MYH16: variants seen among roughly 807,000 people sequenced by gnomAD.
MYH16 encodes putative uncharacterized protein MYH16.
At chr7:99,295,768 G>A (rs1562785994) in intron 33 of MYH16, among the ~76,000 whole-genome samples, 1 of 151,276 alleles carries the variant, frequency 6.6e-6, no homozygotes, top group Non-Finnish European at 1.5e-5. Flanking sequence ...AAGAGGCTGA[G>A]GCTACAGTTA....
intron 33 of MYH16, among the ~76,000 whole-genome samples, chr7:99,295,754 G>A (rs58421977): frequency 0.045 from 6,813 of 149,762 alleles, 482 homozygotes; most frequent in East Asian, 0.32. Flanking sequence ...GATTGCTTAA[G>A]TCCAAGAGGC....
intron 2 of MYH16, among the ~76,000 whole-genome samples, chr7:99,246,986 A>G (rs1375847109): frequency 6.6e-6 from 1 of 152,160 alleles, no homozygotes; most frequent in East Asian, 1.9e-4. Flanking sequence ...TCATAAATCG[A>G]CTTTCAATAC....
downstream of MYH16, among the ~76,000 whole-genome samples, chr7:99,308,188 G>A (rs1390669403): frequency 1.3e-5 from 2 of 151,260 alleles, no homozygotes; most frequent in East Asian, 2.0e-4. Context: ...CCAGCTGCTC[G>A]GGAGGCTGAG....
chr7:99,256,128 C>A (rs1483425997), intron 9 of MYH16, among the ~76,000 whole-genome samples: 1 of 151,892 alleles, frequency 6.6e-6, no homozygotes, highest in Non-Finnish European at 1.5e-5. Context: ...CACCTAGTAC[C>A]TGGCATGAAG....
At chr7:99,309,181 A>G (rs898143488), downstream of MYH16, among the ~76,000 whole-genome samples, 1 of 152,132 alleles carries the variant, frequency 6.6e-6, no homozygotes, top group African/African-American at 2.4e-5. Flanking sequence ...GCAGCAAAAA[A>G]TCAAAGACTG....
chr7:99,284,755 C>T (rs1413147852), intron 25 of MYH16, 90 bp from the exon 8 acceptor site: 3 of 441,512 alleles, frequency 6.8e-6, no homozygotes, highest in Non-Finnish European at 9.2e-6. Context: ...AGGTTCAAGG[C>T]CTCCTCTGGC....
At chr7:99,273,294 T>C (rs1193618659) in intron 19 of MYH16, 48 bp from the exon 2 acceptor site, 5 of 456,332 alleles carry the variant, frequency 1.1e-5, no homozygotes, top group Non-Finnish European at 2.2e-5. Flanking sequence ...GGAAGCCAGG[T>C]CCTAACACCT....
intron 31 of MYH16, among the ~76,000 whole-genome samples, 167 bp downstream of exon 12, chr7:99,291,617 A>ACCCCCCCCCCCCCCCCCCCCCC (rs34446113): frequency 3.0e-4 from 32 of 105,980 alleles, no homozygotes; most frequent in African/African-American, 6.1e-4. Flanking sequence ...ACACAGCAAG[A>ACCCCCCCCCCCCCCCCCCCCCC]CCCCCCCCCA....
intron 10 of MYH16, chr7:99,258,020 T>A (rs185974350): frequency 1.3e-5 from 2 of 152,388 alleles, no homozygotes; most frequent in African/African-American, 4.8e-5. Context: ...TCCTCCACCC[T>A]CCCTTTCACC....
At chr7:99,308,210 G>T (rs1054709005), downstream of MYH16, among the ~76,000 whole-genome samples, 2 of 141,978 alleles carry the variant, frequency 1.4e-5, no homozygotes, top group Non-Finnish European at 3.0e-5. Context: ...CACTAGAATT[G>T]CTTGAACCCA....
intron 28 of MYH16, among the ~76,000 whole-genome samples, chr7:99,287,124 A>G (rs1304308729): frequency 6.6e-6 from 1 of 152,220 alleles, no homozygotes; most frequent in East Asian, 1.9e-4. Context: ...CAGGTGAGGC[A>G]GGGTGAACAG....
At chr7:99,306,655 A>G (rs1792686535) in exon 42 of MYH16, 1 of 152,764 alleles carries the variant, frequency 6.5e-6, no homozygotes, top group South Asian at 2.1e-4. Context: ...AAGACGGTGC[A>G]TGAGCTGGAT....
intron 30 of MYH16, chr7:99,290,958 A>G (rs1792364750): frequency 6.5e-6 from 1 of 153,646 alleles, no homozygotes; most frequent in East Asian, 1.9e-4. Context: ...TCATTCCACA[A>G]ATGACAGGAG....
intron 37 of MYH16, among the ~76,000 whole-genome samples, chr7:99,299,978 TG>T (rs1161867580): frequency 1.3e-5 from 2 of 148,578 alleles, no homozygotes; most frequent in Non-Finnish European, 3.0e-5. Flanking sequence ...TTTATTTATT[TG>T]ATGGAGTTTT....
chr7:99,302,299 CAA>C (rs1267029344), intron 38 of MYH16, among the ~76,000 whole-genome samples: 6 of 87,634 alleles, frequency 6.8e-5, no homozygotes, highest in African/African-American at 4.1e-4. Flanking sequence ...GTGACCATCT[CAA>C]AAAAAAAAAA....
chr7:99,242,472 G>GA (rs1011544186), intron 1 of MYH16, among the ~76,000 whole-genome samples: 5 of 150,708 alleles, frequency 3.3e-5, no homozygotes, highest in South Asian at 2.1e-4. Flanking sequence ...CTTGTCTCTA[G>GA]AAAAAAAAAT....
rs1309050499 is a variant in MYH16, at chr7:99,294,004, G to T, written n.4150-14G>T. 2.2e-6 allele frequency: 1 copy of T among 448,694 alleles called. No individual in the cohort carries two copies. Among genetic ancestry groups the T allele is most frequent in the Admixed American group, 2.5e-5 (1 of 40,638 alleles). The allele number at this position is 448,694 out of a possible 1,614,324, so 27.8% of individuals were successfully genotyped here. On this transcript the variant is annotated splice_polypyrimidine_tract_variant and intron_variant and non_coding_transcript_variant, in intron 32 of 41. Transcript: ENST00000439784. ...CTATGTTTCCTTGACAGCCCCTCTG[G>T]CCCTCATTTGCAGGAGGAAGCTGGC...
At chr7:99,274,405 T>C (rs948787670) in intron 20 of MYH16, among the ~76,000 whole-genome samples, 1 of 152,172 alleles carries the variant, frequency 6.6e-6, no homozygotes, top group African/African-American at 2.4e-5. Flanking sequence ...TCATCTCGGG[T>C]GGCCCTGAGT....
At chr7:99,262,168 C>T (rs1027824406) in intron 13 of MYH16, among the ~76,000 whole-genome samples, 1 of 152,126 alleles carries the variant, frequency 6.6e-6, no homozygotes, top group Non-Finnish European at 1.5e-5. Context: ...GGGGAGGTGA[C>T]GTTCATCCTG....
Sources: allele counts gnomAD v4.1 joint callset (sites outside exome capture counted in the v4.1 genomes callset), GRCh38; gene constraint gnomAD v4.1.1; transcripts MANE v1.5; gene names NCBI Gene and HGNC (gene_info 2026-07-23, HGNC 2026-07-21).